Variants in TJP3 observed in about 807,000 individuals in gnomAD.
The protein encoded by TJP3 is tight junction protein 3.
TJP3 carries 85 observed loss-of-function variants against 104.2 expected under a neutral mutation model. The observed-to-expected ratio is 0.82, with a 90% CI of 0.68 to 0.98. The LOEUF (loss-of-function observed/expected upper bound fraction) is 0.98. TJP3 is among the 50% of genes least tolerant of loss of function. The pLI, the probability that TJP3 is intolerant of heterozygous loss-of-function variation, is 0.00. For synonymous variants in TJP3, 550 were observed against 550.6 expected (o/e 1.00, Z 0.02); for missense variants, 1,367 against 1,322.8 (o/e 1.03, Z -0.52).
intron 5 of TJP3, among the ~76,000 whole-genome samples, chr19:3,731,564 T>C (rs373887808): frequency 1.3e-5 from 2 of 151,796 alleles, no homozygotes; most frequent in South Asian, 2.1e-4. Context: ...ACCCGGGAGG[T>C]AGAGGTTGCA....
chr19:3,746,993 C>T lies in TJP3; in HGVS notation c.2322+117C>T. The stretch of plus-strand genomic sequence containing the variant: ...GCTTGGTCAGGGATCAGGACTGTGG[C>T]CAGAGTCAAGATGGGACCTGAGACA... On this transcript the variant is annotated intron_variant, in intron 18 of 20. Transcript: ENST00000541714. This position sits in a 1 kb window ranked among gnomAD's most constrained non-coding sequence, Gnocchi z 4.1. The T allele has an allele frequency of 1.0e-6, 1 of 989,142 alleles. No homozygotes were observed. The highest frequency in any genetic ancestry group is 1.5e-6 in the Non-Finnish European group (1 of 657,844). The allele number at this position is 989,142 out of a possible 1,614,324, so 61.3% of individuals were successfully genotyped here.
chr19:3,731,203 G>A (rs1225225111), intron 5 of TJP3, among the ~76,000 whole-genome samples: 13 of 152,134 alleles, frequency 8.5e-5, no homozygotes, highest in Admixed American at 7.9e-4. Flanking sequence ...ATGTCCCCGC[G>A]CTGATCCCCG....
chr19:3,713,295 C>T (rs150277262), intron 1 of TJP3, among the ~76,000 whole-genome samples: 355 of 152,328 alleles, frequency 2.3e-3, no homozygotes, highest in African/African-American at 8.2e-3. Context: ...CCTCTCCACA[C>T]GGCTTCCTTA....
At chr19:3,738,755 C>G (rs938489728) in intron 12 of TJP3, 92 bp downstream of exon 12, 1 of 1,336,050 alleles carries the variant, frequency 7.5e-7, no homozygotes, top group Non-Finnish European at 1.1e-6. Context: ...GTGGTTGAAT[C>G]TGCATCTCTG....
chr19:3,746,120 G>A lies in TJP3; in HGVS notation c.2010+39G>A, dbSNP rs1349345174. On this transcript the variant is annotated intron_variant, in intron 16 of 20. Coordinates refer to ENST00000541714, the MANE Select transcript of TJP3 (RefSeq NM_001267560.2). This position sits in a 1 kb window ranked among gnomAD's most constrained non-coding sequence, Gnocchi z 4.1. The stretch of plus-strand genomic sequence containing the variant: ...TGCTACGGGTCCCATTTCATGGATG[G>A]GGGAAACCGAGGCCTGGGCATCCAA... 1.9e-6 allele frequency: 3 copies of A among 1,569,974 alleles called. No homozygotes were observed. Among genetic ancestry groups the A allele is most frequent in the Non-Finnish European group, 2.6e-6 (3 of 1,152,806 alleles).
intron 3 of TJP3, among the ~76,000 whole-genome samples, 198 bp from the exon 4 acceptor site, chr19:3,729,830 C>T (rs1035925841): frequency 2.7e-5 from 4 of 150,426 alleles, no homozygotes; most frequent in Admixed American, 6.7e-5. Context: ...ATAGTAGGTT[C>T]TACAATTGGC....
chr19:3,717,944 G>A (rs1445865579), intron 1 of TJP3, among the ~76,000 whole-genome samples: 2 of 147,832 alleles, frequency 1.4e-5, no homozygotes, highest in Non-Finnish European at 1.5e-5. Context: ...GGCCGGGCAC[G>A]ATGGCTCACG....
rs142394871 is a variant in TJP3 at position 3,715,898 on chromosome 19, C to T, written c.-10+7337C>T. On this transcript the variant is annotated intron_variant, in intron 1 of 20. Coordinates refer to ENST00000541714, the MANE Select transcript of TJP3 (RefSeq NM_001267560.2). ...GGTTCAAGCAACTCTCCTGCCTCGG[C>T]CTCCCGAGTAGCTGGGATTACAGGC... Among the ~76,000 whole-genome samples, 193 of 152,224 alleles carry T rather than the reference C, an allele frequency of 1.3e-3. 1 individual carries two copies. The highest frequency in any genetic ancestry group is 2.4e-3 in the Non-Finnish European group (164 of 68,024).
chr19:3,736,342 C>A, intron 11 of TJP3, 21 bp downstream of exon 11: 1 of 1,513,596 alleles, frequency 6.6e-7, no homozygotes, highest in Non-Finnish European at 8.8e-7. Flanking sequence ...GGCGGCTGGC[C>A]AGCCCCACTG....
chr19:3,734,352 A>C lies in TJP3; in HGVS notation c.903A>C (p.Leu301=), dbSNP rs748006541. 3 of 1,613,688 alleles carry C rather than the reference A, an allele frequency of 1.9e-6. No homozygotes were observed. The highest frequency in any genetic ancestry group is 2.5e-6 in the Non-Finnish European group (3 of 1,179,996). ...LEDISDLASE[L]SQAPPSHIPP... ...ACATCTCGGACCTCGCCTCGGAGCT[A>C]TCGCAGGCACCACCATCCCACATCC... The change falls in exon 8 of 21, where the codon CTA becomes CTC. Residue 301 remains leucine (L), a synonymous_variant. Coordinates refer to ENST00000541714, the MANE Select transcript of TJP3 (RefSeq NM_001267560.2).
intron 1 of TJP3, among the ~76,000 whole-genome samples, chr19:3,727,484 A>G (rs1485326755): frequency 3.0e-5 from 2 of 66,182 alleles, no homozygotes; most frequent in Non-Finnish European, 5.4e-5. Flanking sequence ...ACTCTGTCTC[A>G]AAAAAAAAAA....
rs531105831 is a variant in TJP3, at chr19:3,717,051, C to T, written c.-10+8490C>T. Among the ~76,000 whole-genome samples, 12 of 144,740 alleles carry T rather than the reference C, an allele frequency of 8.3e-5. 2 individuals are homozygous for T. The highest frequency in any genetic ancestry group is 2.0e-4 in the East Asian group (1 of 5,006). The allele number at this position is 144,740 out of a possible 152,430, so 95.0% of individuals were successfully genotyped here. A position where few individuals can be genotyped will look rare whatever the true frequency, so the allele number is the denominator to read the frequency against. On this transcript the variant is annotated intron_variant, in intron 1 of 20. Transcript: ENST00000541714. The stretch of plus-strand genomic sequence containing the variant: ...CCCGATTTCGGCTCACTGCAACCTC[C>T]GCCTCCCGGGCTCAAGCAATTCTCT...
chr19:3,750,711 T>C lies in TJP3; in HGVS notation c.*27T>C, dbSNP rs375125204. 22 of 1,551,376 alleles carry C rather than the reference T, an allele frequency of 1.4e-5. No homozygotes were observed. The highest frequency in any genetic ancestry group is 1.8e-5 in the Non-Finnish European group (21 of 1,139,828). On this transcript the variant is annotated 3_prime_UTR_variant, in exon 21 of 21. Coordinates refer to ENST00000541714, the MANE Select transcript of TJP3 (RefSeq NM_001267560.2). ...CTCTCGAAGGCTGCCAGCTGGTCCG[T>C]CCTCCTTCTCCCTCCCTGGGGCTGG...
chr19:3,745,576 G>C (rs1378356897), intron 15 of TJP3, among the ~76,000 whole-genome samples: 1 of 152,230 alleles, frequency 6.6e-6, no homozygotes, highest in East Asian at 1.9e-4. Context: ...GGAGGAAGCA[G>C]TGCTCCTCTC....
intron 1 of TJP3, among the ~76,000 whole-genome samples, chr19:3,722,860 G>GGGT (rs1555737699): frequency 1.5e-5 from 2 of 129,610 alleles, no homozygotes; most frequent in African/African-American, 3.2e-5. Context: ...GGGTGGCGGG[G>GGGT]GGGGGGGGCA....
At chr19:3,728,164 C>T (rs967118293) in intron 1 of TJP3, among the ~76,000 whole-genome samples, 19 of 149,418 alleles carry the variant, frequency 1.3e-4, no homozygotes, top group African/African-American at 1.2e-4. Context: ...CGCTTGAACC[C>T]GGGAGGTGGA....
chr19:3,729,984 T>G, intron 3 of TJP3, 44 bp from the exon 4 acceptor site: 1 of 1,553,880 alleles, frequency 6.4e-7, no homozygotes, highest in East Asian at 2.2e-5. Flanking sequence ...TACGAGGGTC[T>G]CCCCTGCAAA....
chr19:3,735,505 T>G, intron 8 of TJP3, 61 bp from the exon 9 acceptor site: 1 of 1,569,588 alleles, frequency 6.4e-7, no homozygotes, highest in Non-Finnish European at 8.8e-7. Context: ...GGCCTAAAAT[T>G]CTTTTTAAAA....
At chr19:3,719,661 G>C (rs967775233) in intron 1 of TJP3, among the ~76,000 whole-genome samples, 1 of 150,360 alleles carries the variant, frequency 6.7e-6, no homozygotes, top group African/African-American at 2.5e-5. Context: ...ACGGGAACCC[G>C]GGAGGCGGAG....
Sources: gnomAD v4.1 joint callset for allele counts (sites outside exome capture counted in the v4.1 genomes callset) on GRCh38, gnomAD v4.1.1 for gene constraint, Gnocchi (gnomAD v3.1) non-coding constraint, MANE v1.5 for transcripts, NCBI Gene and HGNC (gene_info 2026-07-23, HGNC 2026-07-21) for gene names.